Variants in CCND3 observed in about 807,000 individuals in gnomAD.
The protein encoded by CCND3 is cyclin D3.
CCND3 carries 9 observed loss-of-function variants against 28.7 expected under a neutral mutation model. That is an observed-to-expected ratio of 0.31 (90% CI 0.19 to 0.55). The LOEUF (loss-of-function observed/expected upper bound fraction) is 0.55. Among genes scored for constraint, CCND3 ranks in the 20% least tolerant of loss-of-function variants. The pLI is 0.93. For missense variants in CCND3, 315 were observed against 385.8 expected (o/e 0.82, Z 1.54); for synonymous variants, 164 against 163.9 (o/e 1.00, Z 0.00).
At chr6:42,047,100 T>C (rs1384999122) in intron 1 of CCND3, among the ~76,000 whole-genome samples, 1 of 152,218 alleles carries the variant, frequency 6.6e-6, no homozygotes, top group African/African-American at 2.4e-5. Flanking sequence ...GACAGTGTTA[T>C]GTAACTGTTA....
At chr6:42,036,026 T>C (rs1371142255) in intron 1 of CCND3, among the ~76,000 whole-genome samples, 1 of 151,436 alleles carries the variant, frequency 6.6e-6, no homozygotes, top group Non-Finnish European at 1.5e-5. Flanking sequence ...AGTCTTGCTC[T>C]GTCACCCAGG....
intron 1 of CCND3, among the ~76,000 whole-genome samples, chr6:41,953,733 C>T (rs1776371295): frequency 6.6e-6 from 1 of 151,986 alleles, no homozygotes; most frequent in Non-Finnish European, 1.5e-5. Context: ...AACCAAATCA[C>T]GGTAATTCCA....
intron 1 of CCND3, among the ~76,000 whole-genome samples, chr6:41,979,456 C>A (rs1299202893): frequency 4.6e-5 from 7 of 150,578 alleles, no homozygotes; most frequent in Non-Finnish European, 1.0e-4. Context: ...ATGGCATGAA[C>A]CTGGGAGGTG....
At chr6:41,947,594 AT>A (rs1776201400) in intron 1 of CCND3, among the ~76,000 whole-genome samples, 2 of 152,140 alleles carry the variant, frequency 1.3e-5, no homozygotes, top group African/African-American at 4.8e-5. Flanking sequence ...GCTATTAATA[AT>A]TTCAAAATAT....
chr6:41,937,994 G>T (rs1472989455), intron 2 of CCND3, among the ~76,000 whole-genome samples: 1 of 152,168 alleles, frequency 6.6e-6, no homozygotes, highest in Non-Finnish European at 1.5e-5. Context: ...CCCTTGGTAG[G>T]ATATCAGGGA....
intron 1 of CCND3, among the ~76,000 whole-genome samples, chr6:41,970,293 C>T (rs977691896): frequency 1.3e-5 from 2 of 151,838 alleles, no homozygotes; most frequent in African/African-American, 2.4e-5. Context: ...GAGCCAAGAT[C>T]GCGCCACTGC....
At chr6:41,987,509 CTCTCTCTCTGTGTGTGTG>C (rs1437945209) in intron 1 of CCND3, among the ~76,000 whole-genome samples, 980 of 68,510 alleles carry the variant, frequency 0.014, 16 homozygotes, top group African/African-American at 0.085. Flanking sequence ...CTCTCTCTCT[CTCTCTCTCTGTGTGTGTG>C]TGTGTGTGTG....
chr6:41,997,478 C>T (rs1404406045), intron 1 of CCND3, among the ~76,000 whole-genome samples: 14 of 152,018 alleles, frequency 9.2e-5, no homozygotes, highest in Admixed American at 2.0e-4. Context: ...GGAGCAAAAC[C>T]GGCAAGGGGA....
rs933903281 is a variant in CCND3, at chr6:41,938,823, C to T, written c.415-1429G>A. ...GATGCTGAGGCAGGACCTTGCCCTCCTTCCTTGGGCCTCAGCCTCCTCTGC... is the reference window on the plus strand; with the variant it reads ...GATGCTGAGGCAGGACCTTGCCCTCTTTCCTTGGGCCTCAGCCTCCTCTGC... On this transcript the variant is annotated intron_variant, in intron 2 of 4. Coordinates refer to ENST00000372991, the MANE Select transcript of CCND3 (RefSeq NM_001760.5). This position sits in a 1 kb window ranked among gnomAD's most constrained non-coding sequence, Gnocchi z 4.6. Among the ~76,000 whole-genome samples the T allele has an allele frequency of 1.3e-5, 2 of 152,030 alleles. No homozygotes were observed. The highest frequency in any genetic ancestry group is 4.8e-5 in the African/African-American group (2 of 41,274).
At chr6:41,983,613 T>C (rs181397128) in intron 1 of CCND3, among the ~76,000 whole-genome samples, 70 of 152,076 alleles carry the variant, frequency 4.6e-4, no homozygotes, top group Admixed American at 1.7e-3. Flanking sequence ...GGCAGACAGA[T>C]TAGATTGCTT....
At chr6:41,975,973 T>C (rs958470171) in intron 1 of CCND3, among the ~76,000 whole-genome samples, 2 of 151,736 alleles carry the variant, frequency 1.3e-5, no homozygotes, top group Admixed American at 6.6e-5. Context: ...GAGGGTTGAG[T>C]CAGGAGGATC....
chr6:42,031,051 T>C (rs899020251), intron 1 of CCND3, among the ~76,000 whole-genome samples: 1 of 152,106 alleles, frequency 6.6e-6, no homozygotes, highest in South Asian at 2.1e-4. Flanking sequence ...CTGCTGCATG[T>C]TCCTTATCTT....
intron 1 of CCND3, among the ~76,000 whole-genome samples, chr6:41,956,228 G>A (rs1165359010): frequency 6.6e-6 from 1 of 152,152 alleles, no homozygotes; most frequent in Non-Finnish European, 1.5e-5. Context: ...GGAGGTGGAG[G>A]TTGCGGTGAG....
intron 1 of CCND3, among the ~76,000 whole-genome samples, chr6:42,003,008 C>T (rs1206664726): frequency 6.7e-6 from 1 of 149,328 alleles, no homozygotes; most frequent in Non-Finnish European, 1.5e-5. Context: ...ACTAAAAATA[C>T]AATATTAGCT....
intron 1 of CCND3, among the ~76,000 whole-genome samples, chr6:41,978,084 A>AT (rs113551047): frequency 0.29 from 43,982 of 151,320 alleles, 6,615 homozygotes; most frequent in Middle Eastern, 0.4. Flanking sequence ...AACCATTAAG[A>AT]TTTTTTTTGA....
intron 1 of CCND3, among the ~76,000 whole-genome samples, chr6:42,032,251 A>C (rs558214760): frequency 2.4e-4 from 36 of 151,190 alleles, no homozygotes; most frequent in Middle Eastern, 3.4e-3. Context: ...ACACCTGACT[A>C]CTCTTTTTTA....
chr6:42,000,550 T>C (rs1762973257), intron 1 of CCND3, among the ~76,000 whole-genome samples: 1 of 128,574 alleles, frequency 7.8e-6, no homozygotes, highest in South Asian at 2.5e-4. Context: ...TTCTAATAAC[T>C]GGGTGAAACG....
chr6:41,951,474 A>G (rs1385381029), intron 1 of CCND3, among the ~76,000 whole-genome samples: 1 of 146,462 alleles, frequency 6.8e-6, no homozygotes, highest in Admixed American at 6.9e-5. Flanking sequence ...AGGCAGGAGA[A>G]TGGCGTGAAC....
chr6:41,946,186 C>T (rs185692090), upstream of CCND3, among the ~76,000 whole-genome samples: 27 of 152,002 alleles, frequency 1.8e-4, no homozygotes, highest in Middle Eastern at 3.4e-3. Context: ...AACAGTAGTA[C>T]CCCCCCACAG....
Sources: allele counts gnomAD v4.1 joint callset (sites outside exome capture counted in the v4.1 genomes callset), GRCh38; gene constraint gnomAD v4.1.1; non-coding constraint Gnocchi (gnomAD v3.1); transcripts MANE v1.5; gene names NCBI Gene and HGNC (gene_info 2026-07-23, HGNC 2026-07-21).